The following VWDE variants were observed in gnomAD, a reference collection of about 807,000 sequenced individuals.
VWDE encodes von Willebrand factor D and EGF domains.
In VWDE, 207 loss-of-function variants were observed where a neutral mutation model predicts 178.4. The observed-to-expected ratio is 1.16, with a 90% CI of 1.04 to 1.30. The LOEUF is 1.30. Ranked by LOEUF, VWDE falls within the 50% of genes most tolerant of loss-of-function variation. The probability of loss-of-function intolerance (pLI) is 0.00; values close to 1 mark genes in which losing one functional copy is unlikely to be tolerated. For missense variants in VWDE, 2,287 were observed against 1,901.3 expected (o/e 1.20, Z -3.77); for synonymous variants, 738 against 651.4 (o/e 1.13, Z -2.02).
rs1781951615 is a variant in VWDE at position 12,351,654 on chromosome 7, T to A, written c.3805A>T (p.Lys1269Ter). ...TQTVVLTRSD[K>*]SVNKEEDDKN... ...TCATCCTCTTCTTTATTTACACTTT[T>A]ATCAGATCTTGTGAGAACCACAGTT... The change falls in exon 19 of 29, where the codon AAA (lysine) becomes TAA (stop). Residue 1269 changes from lysine to a stop codon, truncating the protein, a stop_gained. Transcript: ENST00000275358. LOFTEE classifies it high-confidence loss of function. 2 of 1,550,366 alleles carry A rather than the reference T, an allele frequency of 1.3e-6. No homozygotes were observed. The highest frequency in any genetic ancestry group is 3.9e-5 in the Admixed American group (2 of 50,928).
At chr7:12,340,285 C>T in intron 24 of VWDE, 37 bp downstream of exon 24, 3 of 1,467,718 alleles carry the variant, frequency 2.0e-6, no homozygotes, top group Middle Eastern at 1.7e-4. Context: ...TCTAACTTTC[C>T]ATTTGCCCTT....
At chr7:12,399,258 C>T (rs1214007344) in intron 1 of VWDE, among the ~76,000 whole-genome samples, 1 of 151,854 alleles carries the variant, frequency 6.6e-6, no homozygotes, top group African/African-American at 2.4e-5. Flanking sequence ...AAGCAGCAAC[C>T]AAAAGAAAGG....
intron 1 of VWDE, among the ~76,000 whole-genome samples, chr7:12,400,928 T>A (rs1438389109): frequency 6.6e-6 from 1 of 152,088 alleles, no homozygotes; most frequent in Admixed American, 6.5e-5. Context: ...ATTACTATAA[T>A]AAACCACATA....
chr7:12,403,487 CT>C (rs1459347651), intron 1 of VWDE, among the ~76,000 whole-genome samples, 171 bp downstream of exon 1: 1 of 152,214 alleles, frequency 6.6e-6, no homozygotes, highest in African/African-American at 2.4e-5. Context: ...GGAAATTGAC[CT>C]TTTCAAAGAC....
chr7:12,382,683 T>C (rs941123810), intron 4 of VWDE, among the ~76,000 whole-genome samples: 3 of 151,858 alleles, frequency 2.0e-5, no homozygotes, highest in African/African-American at 7.2e-5. Flanking sequence ...ATGTCAACAG[T>C]CTCTCATGCA....
intron 5 of VWDE, 114 bp downstream of exon 5, chr7:12,380,372 T>A: frequency 7.3e-7 from 1 of 1,361,948 alleles, no homozygotes; most frequent in African/African-American, 1.5e-5. Context: ...AAAAGAAAAA[T>A]ATTAGGGCTT....
intron 1 of VWDE, among the ~76,000 whole-genome samples, chr7:12,399,644 G>A (rs1024196697): frequency 5.9e-5 from 9 of 151,858 alleles, no homozygotes; most frequent in Non-Finnish European, 1.0e-4. Context: ...TGGAATATTC[G>A]CCAAAATAGA....
intron 10 of VWDE, 91 bp downstream of exon 10, chr7:12,372,886 G>A (rs1445985785): frequency 7.8e-7 from 1 of 1,279,474 alleles, no homozygotes; most frequent in East Asian, 2.5e-5. Context: ...ACAAACTAAT[G>A]TTGAAAAATG....
At position 12,361,202 on chromosome 7, in the gene VWDE, T is replaced by C. The variant is rs1782556250; in HGVS notation, c.3104A>G (p.Tyr1035Cys). Residue 1035 changes from tyrosine (Y) to cysteine (C), a missense_variant, in exon 15 of 29, where the codon TAT becomes TGT. Physicochemically the swap from Tyr to Cys is radical, Grantham distance 194. Coordinates refer to ENST00000275358, the MANE Select transcript of VWDE (RefSeq NM_001135924.3). ...KFSNPKITVI[Y>C]DGACQVCGLY... Reference sequence around the variant, plus strand: ...ACCACAAACTTGGCAAGCACCATCATATATGACCGTTATTTTGGGATTACT... The same window carrying C: ...ACCACAAACTTGGCAAGCACCATCACATATGACCGTTATTTTGGGATTACT... The C allele has an allele frequency of 1.3e-6, 2 of 1,548,368 alleles. No homozygotes were observed. Among genetic ancestry groups the C allele is most frequent in the Non-Finnish European group, 1.7e-6 (2 of 1,144,284 alleles).
Position 12,370,171 on chromosome 7 carries a change from TG to T in VWDE, c.2134del (p.Gln712LysfsTer31). On this transcript the variant is annotated frameshift_variant, in exon 12 of 29. Coordinates refer to ENST00000275358, the MANE Select transcript of VWDE (RefSeq NM_001135924.3). LOFTEE classifies it high-confidence loss of function. ...TTCTTTCTCATTTCCAGGATGTTTT[TG>T]TACATTTAAGCCGAGTTTAGTCAGG... ...INLTKLGLNV[Q>X]KHPGNEKEDS... The T allele has an allele frequency of 1.3e-6, 2 of 1,551,562 alleles. No individual in the cohort carries two copies. The highest frequency in any genetic ancestry group is 2.4e-5 in the South Asian group (2 of 84,056).
At chr7:12,379,392 A>T in intron 6 of VWDE, 85 bp downstream of exon 6, 1 of 929,112 alleles carries the variant, frequency 1.1e-6, no homozygotes, top group Non-Finnish European at 1.5e-6. Flanking sequence ...GTGATGAGGT[A>T]CAGAAACCAG....
chr7:12,359,678 A>G lies in VWDE; in HGVS notation c.3174T>C (p.Ile1058=), dbSNP rs1392856336. The G allele has an allele frequency of 3.9e-6, 6 of 1,544,256 alleles. No homozygotes were observed. The highest frequency in any genetic ancestry group is 4.4e-6 in the Non-Finnish European group (5 of 1,143,888). The change falls in exon 16 of 29, where the codon ATT becomes ATC. Residue 1058 remains isoleucine, a synonymous_variant. Transcript: ENST00000275358. The part of the protein sequence containing the change: ...DSCTIKENVC[I]IDGLCYVEGD... ...CTTCAACATAGCAGAGTCCATCAATAATGCAAACATTTTCCTAATGGAAAA... is the reference window on the plus strand; with the variant it reads ...CTTCAACATAGCAGAGTCCATCAATGATGCAAACATTTTCCTAATGGAAAA...
intron 2 of VWDE, among the ~76,000 whole-genome samples, chr7:12,392,339 C>T (rs1186420792): frequency 6.6e-6 from 1 of 152,138 alleles, no homozygotes; most frequent in Non-Finnish European, 1.5e-5. Flanking sequence ...ACTTAGGATG[C>T]TGAGTTAATG....
Position 12,400,581 on chromosome 7 carries a change from C to G in VWDE, c.58+3078G>C, listed in dbSNP as rs1025621247. On this transcript the variant is annotated intron_variant, in intron 1 of 28. Coordinates refer to ENST00000275358, the MANE Select transcript of VWDE (RefSeq NM_001135924.3). Reference sequence around the variant, plus strand: ...AAAAAACTACCCACAAAGAAAAGACCTGGCCCAGATGGCATCAATGCTAAA... The same window carrying G: ...AAAAAACTACCCACAAAGAAAAGACGTGGCCCAGATGGCATCAATGCTAAA... 3.9e-5 allele frequency among the ~76,000 whole-genome samples: 6 copies of G among 151,946 alleles called. No homozygotes were observed. In the South Asian group the frequency reaches 1.2e-3, roughly 32 times the overall value.
chr7:12,342,269 G>C (rs1324293522), intron 22 of VWDE, 115 bp from the exon 23 acceptor site: 4 of 645,480 alleles, frequency 6.2e-6, no homozygotes, highest in African/African-American at 5.4e-5. Context: ...TAAGATTGCA[G>C]AGAAAGATAA....
rs1207442893 is a variant in VWDE at position 12,393,821 on chromosome 7, T to C, written c.59-43A>G. 4.1e-6 allele frequency: 6 copies of C among 1,471,740 alleles called. No homozygotes were observed. In the African/African-American group the frequency reaches 8.5e-5, roughly 21 times the overall value. 91.2% of individuals were successfully genotyped at this position (1,471,740 alleles called of 1,614,324 possible). A position where few individuals can be genotyped will look rare whatever the true frequency, so the allele number is the denominator to read the frequency against. ...GTGTTTTTATGTAATGTGTTTTGTT[T>C]GTTGACATAGTTCGGTCCTCAATTA... On this transcript the variant is annotated intron_variant, in intron 1 of 28. Coordinates refer to ENST00000275358, the MANE Select transcript of VWDE (RefSeq NM_001135924.3).
chr7:12,335,694 A>C lies in VWDE; in HGVS notation c.4654+447T>G, dbSNP rs190391772. 3.6e-4 allele frequency among the ~76,000 whole-genome samples: 55 copies of C among 152,272 alleles called. No homozygotes were observed. The East Asian group carries it at 0.011, about 29-fold the overall frequency. Reference sequence around the variant, plus strand: ...ATGGTCTCGATCTCCTGACCTGGTGATCCGCTGGCCTTGGCCTCCCAAAGT... The same window carrying C: ...ATGGTCTCGATCTCCTGACCTGGTGCTCCGCTGGCCTTGGCCTCCCAAAGT... On this transcript the variant is annotated intron_variant, in intron 27 of 28. Transcript: ENST00000275358.
rs908466255 is a variant in VWDE, at chr7:12,401,652, T to C, written c.58+2007A>G. Among the ~76,000 whole-genome samples, 6 of 152,104 alleles carry C rather than the reference T, an allele frequency of 3.9e-5. No individual in the cohort carries two copies. The South Asian group carries it at 1.2e-3, about 32-fold the overall frequency. ...AATCTCAGTTAATAAAAAGTGTTGA[T>C]GGAAACATGAAGAAGTTAGAAGCTT... On this transcript the variant is annotated intron_variant, in intron 1 of 28. Transcript: ENST00000275358.
intron 5 of VWDE, 126 bp downstream of exon 5, chr7:12,380,360 C>T (rs989199706): frequency 1.2e-5 from 16 of 1,284,212 alleles, no homozygotes; most frequent in Non-Finnish European, 1.7e-5. Flanking sequence ...GAAAAAAAAA[C>T]AAAAAGAAAA....
Sources: gnomAD v4.1 joint callset for allele counts (sites outside exome capture counted in the v4.1 genomes callset) on GRCh38, gnomAD v4.1.1 for gene constraint, MANE v1.5 for transcripts, NCBI Gene and HGNC (gene_info 2026-07-23, HGNC 2026-07-21) for gene names.